Variants in NUAK1 observed in about 807,000 individuals in gnomAD.
The protein encoded by NUAK1 is NUAK family SNF1-like kinase 1.
Under a neutral mutation model 56.9 loss-of-function variants are expected in NUAK1, and 26 were observed. The observed-to-expected ratio is 0.46, with a 90% confidence interval of 0.33 to 0.63. NUAK1 has a LOEUF of 0.63. Among genes scored for constraint, NUAK1 ranks in the 30% least tolerant of loss-of-function variants. The pLI is 0.02. For missense variants in NUAK1, 727 were observed against 876.1 expected (o/e 0.83, Z 2.15); for synonymous variants, 337 against 336.0 (o/e 1.00, Z -0.03).
intron 2 of NUAK1, among the ~76,000 whole-genome samples, chr12:106,096,130 G>T (rs1314612045): frequency 1.3e-5 from 2 of 152,038 alleles, no homozygotes; most frequent in African/African-American, 4.8e-5. Flanking sequence ...CATTCCGAAA[G>T]ACCCCATAGT....
chr12:106,066,467 A>AATGAAG lies in NUAK1; in HGVS notation c.*334_*335insCTTCAT, dbSNP rs11283073. ...CCCCTCCTCCAGAAGCATCTGGATG[A>AATGAAG]CTTCTAAGGAAATGCTCCTTCCACA... On this transcript the variant is annotated 3_prime_UTR_variant, in exon 7 of 7. Transcript: ENST00000261402. 0.23 allele frequency: 60,929 copies of AATGAAG among 266,314 alleles called. 9,102 individuals are homozygous for AATGAAG. Among genetic ancestry groups the AATGAAG allele is most frequent in the African/African-American group, 0.47 (21,556 of 45,988 alleles). The allele number at this position is 266,314 out of a possible 1,614,324, so 16.5% of individuals were successfully genotyped here.
intron 1 of NUAK1, among the ~76,000 whole-genome samples, chr12:106,135,249 T>C (rs1216586655): frequency 1.3e-5 from 2 of 152,208 alleles, no homozygotes; most frequent in East Asian, 3.9e-4. Flanking sequence ...TCTGCAAGAG[T>C]GCCTCATTTT....
intron 2 of NUAK1, among the ~76,000 whole-genome samples, chr12:106,089,540 C>G (rs1221724551): frequency 6.6e-6 from 1 of 152,190 alleles, no homozygotes; most frequent in Non-Finnish European, 1.5e-5. Context: ...GCCTGTAATC[C>G]CAGCCCTTTG....
chr12:106,115,674 G>A (rs2032909584), intron 1 of NUAK1, among the ~76,000 whole-genome samples: 1 of 152,248 alleles, frequency 6.6e-6, no homozygotes, highest in South Asian at 2.1e-4. Flanking sequence ...AAGCCTGCCT[G>A]CTGGGATGCT....
intron 4 of NUAK1, among the ~76,000 whole-genome samples, chr12:106,073,312 C>A (rs1452696261): frequency 1.3e-5 from 2 of 152,206 alleles, no homozygotes; most frequent in Non-Finnish European, 2.9e-5. Flanking sequence ...CTGACCTACA[C>A]AACTGGTGAT....
intron 1 of NUAK1, among the ~76,000 whole-genome samples, chr12:106,127,915 T>C (rs1386313280): frequency 1.3e-5 from 2 of 152,276 alleles, no homozygotes; most frequent in Middle Eastern, 3.4e-3. Flanking sequence ...GACCCCATCC[T>C]GCCTTTCCAA....
chr12:106,078,222 C>T (rs984443308), intron 4 of NUAK1, among the ~76,000 whole-genome samples: 1 of 152,192 alleles, frequency 6.6e-6, no homozygotes, highest in Non-Finnish European at 1.5e-5. Flanking sequence ...CAGAGCAAGA[C>T]CCTGTCTCTA....
rs1212790024 is a variant in NUAK1 at position 106,138,565 on chromosome 12, GCCC to G, written c.86_88del (p.Gly29del). The G allele has an allele frequency of 6.2e-7, 1 of 1,602,732 alleles. No homozygotes were observed. The highest frequency in any genetic ancestry group is 2.2e-5 in the East Asian group (1 of 44,720). Reference sequence around the variant, plus strand: ...CTTCCTGGGCTCCAGGGCTGCAGTCGCCCCCGCCACCGCCTCTCGGGGAGAGCC... The same window carrying G: ...CTTCCTGGGCTCCAGGGCTGCAGTCGCCGCCACCGCCTCTCGGGGAGAGCC... On this transcript the variant is annotated inframe_deletion, in exon 1 of 7. Transcript: ENST00000261402. This position sits in a 1 kb window ranked among gnomAD's most constrained non-coding sequence, Gnocchi z 5.0.
At chr12:106,105,271 C>G (rs559470189) in intron 2 of NUAK1, among the ~76,000 whole-genome samples, 1 of 152,184 alleles carries the variant, frequency 6.6e-6, no homozygotes, top group Admixed American at 6.5e-5. Context: ...ATTTTTCAGC[C>G]ACATATTTTT....
chr12:106,118,141 G>A (rs907994317), intron 1 of NUAK1, among the ~76,000 whole-genome samples: 1 of 152,106 alleles, frequency 6.6e-6, no homozygotes, highest in African/African-American at 2.4e-5. Flanking sequence ...ATCCATGGAG[G>A]CAATACCATG....
chr12:106,107,887 C>T (rs1338847637), intron 1 of NUAK1, among the ~76,000 whole-genome samples: 1 of 152,222 alleles, frequency 6.6e-6, no homozygotes, highest in Non-Finnish European at 1.5e-5. Context: ...CCTGGGATTT[C>T]TCCTTTGCAG....
intron 2 of NUAK1, among the ~76,000 whole-genome samples, chr12:106,090,716 C>T (rs1399370037): frequency 2.6e-5 from 4 of 152,206 alleles, no homozygotes; most frequent in Non-Finnish European, 1.5e-5. Flanking sequence ...ACAGGTCTAT[C>T]GCCCTCAGCA....
chr12:106,128,386 C>T (rs1372366347), intron 1 of NUAK1, among the ~76,000 whole-genome samples: 1 of 152,148 alleles, frequency 6.6e-6, no homozygotes, highest in African/African-American at 2.4e-5. Context: ...CCACCTCGGC[C>T]TCTCAAAGTG....
chr12:106,128,646 C>A (rs1256185542), intron 1 of NUAK1, among the ~76,000 whole-genome samples: 3 of 152,150 alleles, frequency 2.0e-5, no homozygotes, highest in African/African-American at 7.2e-5. Flanking sequence ...TGAATGGGGT[C>A]CCGCTGGAGA....
At chr12:106,079,724 A>T (rs1230898932) in intron 4 of NUAK1, among the ~76,000 whole-genome samples, 1 of 152,192 alleles carries the variant, frequency 6.6e-6, no homozygotes, top group Non-Finnish European at 1.5e-5. Context: ...CCAGCCAATT[A>T]CATTATGTGT....
At chr12:106,109,792 T>C (rs1392848487) in intron 1 of NUAK1, among the ~76,000 whole-genome samples, 1 of 152,180 alleles carries the variant, frequency 6.6e-6, no homozygotes, top group African/African-American at 2.4e-5. Flanking sequence ...ACCTGCCTCA[T>C]AGGTCCTGGT....
intron 6 of NUAK1, 138 bp downstream of exon 6, chr12:106,070,636 G>A: frequency 8.5e-7 from 1 of 1,173,016 alleles, no homozygotes; most frequent in Non-Finnish European, 1.2e-6. Context: ...TTTTGCCAAG[G>A]ATGACACTTC....
rs3741887 is a variant in NUAK1, at chr12:106,138,564, C to A, written c.90G>T (p.Ala30=). 7 of 1,604,532 alleles carry A rather than the reference C, an allele frequency of 4.4e-6. No individual in the cohort carries two copies. In the Admixed American group the frequency reaches 1.2e-4, roughly 27 times the overall value. ...GCTTCCTGGGCTCCAGGGCTGCAGT[C>A]GCCCCCGCCACCGCCTCTCGGGGAG... The part of the protein sequence containing the change: ...PGSPREAVAG[A]TAALEPRKPH... The change falls in exon 1 of 7, where the codon GCG becomes GCT. Residue 30 remains alanine (A), a synonymous_variant. Transcript: ENST00000261402. The surrounding 1 kb of genome is among the most constrained non-coding windows in gnomAD (Gnocchi z 5.0).
At chr12:106,115,148 C>T (rs189118666) in intron 1 of NUAK1, among the ~76,000 whole-genome samples, 6 of 152,278 alleles carry the variant, frequency 3.9e-5, no homozygotes, top group African/African-American at 1.2e-4. Flanking sequence ...GGACAATGAG[C>T]TAGGAACACA....
Sources: allele counts gnomAD v4.1 joint callset (sites outside exome capture counted in the v4.1 genomes callset), GRCh38; gene constraint gnomAD v4.1.1; non-coding constraint Gnocchi (gnomAD v3.1); transcripts MANE v1.5; gene names NCBI Gene and HGNC (gene_info 2026-07-23, HGNC 2026-07-21).